The following INSL6 variants were observed in gnomAD, a reference collection of about 807,000 sequenced individuals.
INSL6 encodes insulin-like peptide INSL6.
Under a neutral mutation model 9.4 loss-of-function variants are expected in INSL6, and 16 were observed. The ratio of observed to expected loss-of-function variants is 1.70; its 90% CI spans 1.15 to 2.59. The LOEUF (loss-of-function observed/expected upper bound fraction) is 2.59. Ranked by LOEUF, INSL6 falls within the 30% of genes most tolerant of loss-of-function variation. The probability of loss-of-function intolerance (pLI) is 0.00; values close to 1 mark genes in which losing one functional copy is unlikely to be tolerated. For missense variants in INSL6, 391 were observed against 257.3 expected (o/e 1.52, Z -3.56); for synonymous variants, 154 against 96.9 (o/e 1.59, Z -3.46).
the INSL6 span, among the ~76,000 whole-genome samples, chr9:5,006,547 A>T: frequency 1.3e-5 from 2 of 152,228 alleles, no homozygotes; most frequent in Non-Finnish European, 2.9e-5. Context: ...TAGGCTGTAC[A>T]CAAGGCATGG....
chr9:5,104,426 C>T, the INSL6 span, among the ~76,000 whole-genome samples: 3 of 152,058 alleles, frequency 2.0e-5, no homozygotes, highest in Admixed American at 6.6e-5. Flanking sequence ...TAATAGCCTA[C>T]CAACCAAAAA....
chr9:5,099,152 T>G, the INSL6 span: 4 of 152,244 alleles, frequency 2.6e-5, no homozygotes, highest in Non-Finnish European at 5.9e-5. Context: ...ATCCCCTTAT[T>G]AGGCCTCAAA....
At chr9:5,081,138 G>C in the INSL6 span, among the ~76,000 whole-genome samples, 1 of 151,492 alleles carries the variant, frequency 6.6e-6, no homozygotes, top group African/African-American at 2.4e-5. Context: ...CTTGTGATCC[G>C]CCCGCCTCGG....
At chr9:5,092,284 C>T in the INSL6 span, among the ~76,000 whole-genome samples, 4 of 152,072 alleles carry the variant, frequency 2.6e-5, no homozygotes, top group Non-Finnish European at 4.4e-5. Flanking sequence ...CCACGAAGCA[C>T]GCACACACTG....
At chr9:5,042,410 T>C in the INSL6 span, among the ~76,000 whole-genome samples, 1 of 152,178 alleles carries the variant, frequency 6.6e-6, no homozygotes, top group Non-Finnish European at 1.5e-5. Flanking sequence ...GTGCTGGGAT[T>C]ACAGGCGTGA....
chr9:5,126,230 A>C, intron 3 of INSL6: 1 of 698,206 alleles, frequency 1.4e-6, no homozygotes, highest in Non-Finnish European at 2.4e-6. Flanking sequence ...AACATACAAA[A>C]GCACACATAT....
the INSL6 span, chr9:5,054,666 T>C: frequency 6.2e-7 from 1 of 1,613,412 alleles, no homozygotes; most frequent in Non-Finnish European, 8.5e-7. This position sits in a 1 kb window ranked among gnomAD's most constrained non-coding sequence, Gnocchi z 4.9. Context: ...TATTCAGCAA[T>C]TCAGCCAATG....
chr9:5,079,811 CCT>C, the INSL6 span, among the ~76,000 whole-genome samples: 1 of 151,698 alleles, frequency 6.6e-6, no homozygotes, highest in Non-Finnish European at 1.5e-5. Flanking sequence ...ACAGTGACAC[CCT>C]GTCTCAAAAA....
intron 3 of INSL6, among the ~76,000 whole-genome samples, chr9:5,124,947 A>T (rs921114723): frequency 5.3e-5 from 8 of 151,724 alleles, no homozygotes; most frequent in Non-Finnish European, 1.2e-4. Flanking sequence ...AATTTTTAAA[A>T]AGGGGATATT....
the INSL6 span, among the ~76,000 whole-genome samples, chr9:5,009,301 G>C: frequency 1.3e-5 from 2 of 152,110 alleles, no homozygotes; most frequent in East Asian, 1.9e-4. Flanking sequence ...ACTGCTTCAT[G>C]ATAAAGAATA....
chr9:5,159,644 G>A (rs146033728), downstream of INSL6, among the ~76,000 whole-genome samples: 30 of 152,278 alleles, frequency 2.0e-4, no homozygotes, highest in African/African-American at 7.0e-4. Context: ...GCACCCAGAC[G>A]TATAAAGCAA....
At chr9:5,044,834 C>T in the INSL6 span, among the ~76,000 whole-genome samples, 11 of 152,176 alleles carry the variant, frequency 7.2e-5, no homozygotes, top group East Asian at 1.9e-4. Flanking sequence ...TGTAGACATA[C>T]GTGGCTAAAA....
At chr9:5,165,160 G>A (rs910576407) in intron 1 of INSL6, among the ~76,000 whole-genome samples, 5 of 152,158 alleles carry the variant, frequency 3.3e-5, no homozygotes, top group African/African-American at 7.2e-5. Context: ...GCAGTGAGCC[G>A]AGATAGTGCC....
At chr9:5,059,138 C>A in the INSL6 span, among the ~76,000 whole-genome samples, 31 of 152,246 alleles carry the variant, frequency 2.0e-4, no homozygotes, top group Non-Finnish European at 3.4e-4. Context: ...TGAATTTTTA[C>A]ATATTTGTAC....
At chr9:5,174,294 T>C (rs1017755101) in intron 1 of INSL6, among the ~76,000 whole-genome samples, 4 of 152,222 alleles carry the variant, frequency 2.6e-5, no homozygotes, top group Admixed American at 1.3e-4. Flanking sequence ...TAGAGTTTTC[T>C]ATATTTACTA....
the INSL6 span, among the ~76,000 whole-genome samples, chr9:5,117,517 G>A: frequency 2.0e-5 from 3 of 152,088 alleles, no homozygotes; most frequent in Non-Finnish European, 2.9e-5. Context: ...TAGTTTTCCA[G>A]AGGCAATAAG....
At chr9:4,997,160 G>C in the INSL6 span, among the ~76,000 whole-genome samples, 1 of 151,840 alleles carries the variant, frequency 6.6e-6, no homozygotes, top group African/African-American at 2.4e-5. Context: ...TTGAACTCCT[G>C]GGCTCCAGCA....
At chr9:5,041,821 C>G in the INSL6 span, 1 of 482,530 alleles carries the variant, frequency 2.1e-6, no homozygotes, top group Non-Finnish European at 4.1e-6. Flanking sequence ...AAAAACCAGG[C>G]GCTGAACTCC....
chr9:5,171,672 T>C (rs1343710159), intron 1 of INSL6, among the ~76,000 whole-genome samples: 4 of 152,082 alleles, frequency 2.6e-5, no homozygotes. Context: ...CGTGCAAAGG[T>C]CACACACATT....
Sources: gnomAD v4.1 joint callset for allele counts (sites outside exome capture counted in the v4.1 genomes callset) on GRCh38, gnomAD v4.1.1 for gene constraint, Gnocchi (gnomAD v3.1) non-coding constraint, MANE v1.5 for transcripts, NCBI Gene and HGNC (gene_info 2026-07-23, HGNC 2026-07-21) for gene names.